Variants in METTL8 observed in about 807,000 individuals in gnomAD.
The protein encoded by METTL8 is tRNA N(3)-cytidine methyltransferase METTL8, mitochondrial.
Under a neutral mutation model 48.7 loss-of-function variants are expected in METTL8, and 32 were observed. That is an observed-to-expected ratio of 0.66 (90% CI 0.50 to 0.88). METTL8 has a LOEUF of 0.88. Ranked by LOEUF, METTL8 falls within the 40% of genes least tolerant of loss-of-function variation. The pLI is 0.00. For synonymous variants in METTL8, 136 were observed against 157.1 expected (o/e 0.87, Z 1.01); for missense variants, 464 against 474.4 (o/e 0.98, Z 0.20).
rs147380568 is a variant in METTL8 at position 171,338,708 on chromosome 2, G to A, written c.606+476C>T. Among the ~76,000 whole-genome samples, 579 of 151,790 alleles carry A rather than the reference G, an allele frequency of 3.8e-3. 1 individual carries two copies. Among genetic ancestry groups the A allele is most frequent in the Non-Finnish European group, 6.1e-3 (413 of 67,930 alleles). ...CAGTGGTGAAATCCTTTGTTTGTAGGATTGGTGATAAATTATCTCCTTGTT... is the reference window on the plus strand; with the variant it reads ...CAGTGGTGAAATCCTTTGTTTGTAGAATTGGTGATAAATTATCTCCTTGTT... On this transcript the variant is annotated intron_variant, in intron 4 of 9. Coordinates refer to ENST00000375258, the MANE Select transcript of METTL8 (RefSeq NM_001321154.2).
intron 3 of METTL8, among the ~76,000 whole-genome samples, chr2:171,359,927 A>T (rs915171526): frequency 6.6e-6 from 1 of 152,136 alleles, no homozygotes; most frequent in Non-Finnish European, 1.5e-5. Context: ...CCAATTTTTT[A>T]AAAGCCATTT....
intron 1 of METTL8, among the ~76,000 whole-genome samples, chr2:171,407,406 T>C (rs1179827453): frequency 6.6e-6 from 1 of 151,710 alleles, no homozygotes; most frequent in Admixed American, 6.6e-5. Context: ...GAATGAGGCC[T>C]TCTAAGTTTT....
Position 171,321,048 on chromosome 2 carries a change from G to A in METTL8, c.*3124C>T, listed in dbSNP as rs563988958. 14 of 152,220 alleles carry A rather than the reference G, an allele frequency of 9.2e-5. No individual in the cohort carries two copies. Among genetic ancestry groups the A allele is most frequent in the African/African-American group, 3.4e-4 (14 of 41,522 alleles). The allele number at this position is 152,220 out of a possible 1,614,324, so 9.4% of individuals were successfully genotyped here. Reference sequence around the variant, plus strand: ...CACACTTGTCTTCTCACCATCTGCTGAGAATGTACATTCAAGAACTAGCCT... The same window carrying A: ...CACACTTGTCTTCTCACCATCTGCTAAGAATGTACATTCAAGAACTAGCCT... On this transcript the variant is annotated 3_prime_UTR_variant, in exon 10 of 10. Transcript: ENST00000375258.
intron 2 of METTL8, among the ~76,000 whole-genome samples, chr2:171,386,502 G>A (rs1349651460): frequency 2.6e-5 from 4 of 152,186 alleles, no homozygotes; most frequent in Non-Finnish European, 5.9e-5. Context: ...AGTGGCTCAC[G>A]CCTGTAATCC....
At position 171,339,308 on chromosome 2, in the gene METTL8, C is replaced by T; in HGVS notation, c.482G>A (p.Gly161Asp). Residue 161 changes from glycine to aspartate, a missense_variant, in exon 4 of 10, where the codon GGT (glycine) becomes GAT (aspartate). Physicochemically the swap from Gly to Asp is moderately conservative, Grantham distance 94. Transcript: ENST00000375258. ...TGTTTTGCTTTGACCTTCTGAAGAA[C>T]CAGAACTTTTCTCATAATGATTTTT... ...DEKNHYEKSS[G>D]SSEGQSKTES... 1 of 1,612,966 alleles carries T rather than the reference C, an allele frequency of 6.2e-7. No individual in the cohort carries two copies. Among genetic ancestry groups the T allele is most frequent in the East Asian group, 2.2e-5 (1 of 44,816 alleles).
At chr2:171,366,500 T>C (rs1685732152) in intron 2 of METTL8, among the ~76,000 whole-genome samples, 1 of 152,104 alleles carries the variant, frequency 6.6e-6, no homozygotes, top group Admixed American at 6.6e-5. Flanking sequence ...CAAAAACTAT[T>C]AGACATGCAA....
chr2:171,354,662 T>G (rs1288056108), intron 3 of METTL8, among the ~76,000 whole-genome samples: 14 of 152,230 alleles, frequency 9.2e-5, no homozygotes, highest in Admixed American at 9.2e-4. Flanking sequence ...TCGTTTCTTT[T>G]TACTCTTTTT....
At position 171,360,342 on chromosome 2, in the gene METTL8, A is replaced by G. The variant is rs1011599258; in HGVS notation, c.235+80T>C. 1.7e-5 allele frequency: 20 copies of G among 1,176,182 alleles called. No homozygotes were observed. In the African/African-American group the frequency reaches 2.8e-4, roughly 16 times the overall value. 72.9% of individuals were successfully genotyped at this position (1,176,182 alleles called of 1,614,324 possible). Reference sequence around the variant, plus strand: ...GGACTGGCATCAGGAGAGGCTAAGAACTCTCAGAAGCAATGACACGAGGAG... The same window carrying G: ...GGACTGGCATCAGGAGAGGCTAAGAGCTCTCAGAAGCAATGACACGAGGAG... On this transcript the variant is annotated intron_variant, in intron 3 of 9. Transcript: ENST00000375258.
At chr2:171,381,592 A>G (rs1001454488) in intron 2 of METTL8, among the ~76,000 whole-genome samples, 2 of 152,210 alleles carry the variant, frequency 1.3e-5, no homozygotes, top group Non-Finnish European at 2.9e-5. Context: ...GGCAAAGGAT[A>G]TGAACAGACA....
At chr2:171,329,992 A>G (rs2105395054) in intron 7 of METTL8, among the ~76,000 whole-genome samples, 1 of 152,362 alleles carries the variant, frequency 6.6e-6, no homozygotes, top group African/African-American at 2.4e-5. Context: ...TAGTTTTAAA[A>G]CACTGTATGA....
upstream of METTL8, chr2:171,434,537 ACTCGGCGGCCCAGCCTAC>A: frequency 6.6e-7 from 1 of 1,523,170 alleles, no homozygotes; most frequent in Non-Finnish European, 8.8e-7. Flanking sequence ...GGGGCGCGCC[ACTCGGCGGCCCAGCCTAC>A]CCAGGGCCCG....
At chr2:171,402,825 G>T (rs1356857542) in intron 1 of METTL8, among the ~76,000 whole-genome samples, 1 of 152,062 alleles carries the variant, frequency 6.6e-6, no homozygotes, top group East Asian at 1.9e-4. Context: ...AAGTAAGGAA[G>T]TGCACACACA....
intron 7 of METTL8, chr2:171,326,423 G>A: frequency 3.0e-6 from 1 of 338,012 alleles, no homozygotes; most frequent in Non-Finnish European, 5.3e-6. Context: ...TGATGTCAAA[G>A]CTAAACTTCA....
intron 1 of METTL8, among the ~76,000 whole-genome samples, chr2:171,407,769 T>G (rs1690336512): frequency 6.6e-6 from 1 of 152,372 alleles, no homozygotes; most frequent in South Asian, 2.1e-4. Context: ...GAGCCATGTA[T>G]AACTGCTACT....
intron 2 of METTL8, among the ~76,000 whole-genome samples, chr2:171,383,583 A>G (rs1259065424): frequency 6.6e-6 from 1 of 152,192 alleles, no homozygotes; most frequent in Non-Finnish European, 1.5e-5. Context: ...GGAGCATGCC[A>G]ATGGCCTAGC....
At chr2:171,338,421 T>C (rs1686340244) in intron 4 of METTL8, among the ~76,000 whole-genome samples, 1 of 152,032 alleles carries the variant, frequency 6.6e-6, no homozygotes, top group African/African-American at 2.4e-5. Flanking sequence ...GCGGATCACC[T>C]GAGGCCAGGA....
chr2:171,373,839 ATC>A (rs1686644069), intron 2 of METTL8, among the ~76,000 whole-genome samples: 1 of 152,058 alleles, frequency 6.6e-6, no homozygotes, highest in Admixed American at 6.5e-5. Flanking sequence ...ATTGGTCTAT[ATC>A]TCTGTTTTGG....
chr2:171,347,016 C>T (rs753611173), intron 3 of METTL8, among the ~76,000 whole-genome samples: 8 of 152,174 alleles, frequency 5.3e-5, no homozygotes, highest in Non-Finnish European at 7.3e-5. Flanking sequence ...CCCTTGCTTA[C>T]GTGTGATAAG....
At chr2:171,389,205 A>G (rs977412691) in intron 2 of METTL8, among the ~76,000 whole-genome samples, 1 of 152,144 alleles carries the variant, frequency 6.6e-6, no homozygotes, top group East Asian at 1.9e-4. Context: ...TGCAAAGGAA[A>G]AGTTCTTAAA....
Sources: gnomAD v4.1 joint callset for allele counts (sites outside exome capture counted in the v4.1 genomes callset) on GRCh38, gnomAD v4.1.1 for gene constraint, MANE v1.5 for transcripts, NCBI Gene and HGNC (gene_info 2026-07-23, HGNC 2026-07-21) for gene names.